The following LPP variants were observed in gnomAD, a reference collection of about 807,000 sequenced individuals.
The protein encoded by LPP is lipoma-preferred partner.
LPP carries 38 observed loss-of-function variants against 60.4 expected under a neutral mutation model. The ratio of observed to expected loss-of-function variants is 0.63; its 90% CI spans 0.49 to 0.83. LPP has a LOEUF of 0.83. Ranked by LOEUF, LPP falls within the 40% of genes least tolerant of loss-of-function variation. LPP has a pLI of 0.00. For synonymous variants in LPP, 328 were observed against 290.8 expected, an observed-to-expected ratio of 1.13 and a Z score of -1.30; for missense variants, 902 against 783.6, an observed-to-expected ratio of 1.15 and a Z score of -1.80.
At chr3:188,643,993 A>G (rs989154425) in intron 7 of LPP, among the ~76,000 whole-genome samples, 1 of 152,236 alleles carries the variant, frequency 6.6e-6, no homozygotes, top group Non-Finnish European at 1.5e-5. Context: ...ATCATCCACT[A>G]TCCATGAAAT....
chr3:188,710,767 A>T (rs1409331121), intron 8 of LPP: 2 of 152,216 alleles, frequency 1.3e-5, no homozygotes, highest in Non-Finnish European at 2.9e-5. Context: ...GCCACAAAAA[A>T]AAAACTGAAC....
chr3:188,766,168 G>A (rs1734049335), intron 9 of LPP, among the ~76,000 whole-genome samples: 1 of 151,668 alleles, frequency 6.6e-6, no homozygotes, highest in Non-Finnish European at 1.5e-5. Context: ...ATCACACCCA[G>A]CCCATGTTAA....
At chr3:188,473,798 G>T (rs757971190) in intron 4 of LPP, among the ~76,000 whole-genome samples, 6 of 152,178 alleles carry the variant, frequency 3.9e-5, no homozygotes, top group African/African-American at 1.4e-4. Flanking sequence ...TACTGGGTAA[G>T]GCTTATCAAC....
chr3:188,831,363 A>G (rs975116398), intron 9 of LPP, among the ~76,000 whole-genome samples: 1 of 152,194 alleles, frequency 6.6e-6, no homozygotes, highest in Non-Finnish European at 1.5e-5. Flanking sequence ...AGCAGTTAGG[A>G]GAGAGAGGAG....
chr3:188,577,737 CTTCCTTTGTTCCTTCGTTCCTTCG>C (rs1363630279), intron 6 of LPP, among the ~76,000 whole-genome samples: 45 of 127,232 alleles, frequency 3.5e-4, no homozygotes, highest in Non-Finnish European at 5.4e-4. Context: ...GGTTTCCTTC[CTTCCTTTGTTCCTTCGTTCCTTCG>C]TTCCTTCCTT....
chr3:188,582,484 A>G (rs1836480566), intron 6 of LPP, among the ~76,000 whole-genome samples: 3 of 151,634 alleles, frequency 2.0e-5, no homozygotes, highest in African/African-American at 7.3e-5. Flanking sequence ...CCTGGGCTTG[A>G]ATGTTGTTTT....
At chr3:188,745,225 G>A (rs1040530214) in intron 8 of LPP, among the ~76,000 whole-genome samples, 16 of 152,126 alleles carry the variant, frequency 1.1e-4, no homozygotes, top group African/African-American at 3.9e-4. Context: ...GAAGGCAGGT[G>A]TCAGGTCTTA....
intron 6 of LPP, among the ~76,000 whole-genome samples, chr3:188,543,826 T>C (rs1470049904): frequency 6.6e-6 from 1 of 152,198 alleles, no homozygotes; most frequent in Non-Finnish European, 1.5e-5. Flanking sequence ...TGTAAAAGAA[T>C]GTGAAGCCCA....
intron 3 of LPP, among the ~76,000 whole-genome samples, chr3:188,343,259 G>A (rs1222807993): frequency 1.3e-5 from 2 of 152,002 alleles, no homozygotes; most frequent in African/African-American, 2.4e-5. Flanking sequence ...GAGAACATGC[G>A]GTGTTTGGAA....
At chr3:188,319,526 T>C (rs1386007536) in intron 2 of LPP, among the ~76,000 whole-genome samples, 2 of 152,234 alleles carry the variant, frequency 1.3e-5, no homozygotes, top group Admixed American at 6.5e-5. Flanking sequence ...ATGATAACAG[T>C]AAGACCCAAG....
At chr3:188,467,635 C>G (rs1800812273) in intron 4 of LPP, among the ~76,000 whole-genome samples, 1 of 151,936 alleles carries the variant, frequency 6.6e-6, no homozygotes, top group Non-Finnish European at 1.5e-5. Flanking sequence ...AAGGATGGGC[C>G]CAACGCTATT....
chr3:188,350,942 G>C (rs1443054301), intron 3 of LPP, among the ~76,000 whole-genome samples: 1 of 152,152 alleles, frequency 6.6e-6, no homozygotes, highest in African/African-American at 2.4e-5. Flanking sequence ...TTTCCTGCCT[G>C]AGGAACCAGC....
At chr3:188,384,609 G>A (rs933361688) in intron 3 of LPP, among the ~76,000 whole-genome samples, 4 of 151,726 alleles carry the variant, frequency 2.6e-5, no homozygotes, top group African/African-American at 7.3e-5. Context: ...GGCCAACATG[G>A]TGAAACCCCG....
At chr3:188,670,971 C>T (rs577639432) in intron 7 of LPP, among the ~76,000 whole-genome samples, 1 of 152,260 alleles carries the variant, frequency 6.6e-6, no homozygotes, top group South Asian at 2.1e-4. Flanking sequence ...GTTTCTAACC[C>T]AATAGGGCAA....
chr3:188,874,658 C>T lies in LPP; in HGVS notation c.*179C>T. 1.5e-6 allele frequency: 1 copy of T among 652,230 alleles called. No homozygotes were observed. Among genetic ancestry groups the T allele is most frequent in the Non-Finnish European group, 2.5e-6 (1 of 401,594 alleles). The allele number at this position is 652,230 out of a possible 1,614,324, so 40.4% of individuals were successfully genotyped here. A position where few individuals can be genotyped will look rare whatever the true frequency, so the allele number is the denominator to read the frequency against. On this transcript the variant is annotated 3_prime_UTR_variant, in exon 12 of 12. Coordinates refer to ENST00000617246, the MANE Select transcript of LPP (RefSeq NM_001375462.1). ...AAAAGTTGTTACCAAATACACATTT[C>T]ACATTGAATCATGTAGGATCTTGAT...
chr3:188,318,918 C>T (rs1240237554), intron 2 of LPP, among the ~76,000 whole-genome samples: 2 of 150,646 alleles, frequency 1.3e-5, no homozygotes, highest in African/African-American at 4.9e-5. Flanking sequence ...GCCACTACGC[C>T]CGGCTAATTT....
In LPP at chr3:188,747,915, C is replaced by T. The variant is rs142735002; in HGVS notation, c.1241-12198C>T. 7.2e-5 allele frequency among the ~76,000 whole-genome samples: 11 copies of T among 152,212 alleles called. No individual in the cohort carries two copies. The South Asian group carries it at 8.3e-4, about 11-fold the overall frequency. On this transcript the variant is annotated intron_variant, in intron 8 of 11. Transcript: ENST00000617246. ...CTCCCTCTGAGCTCCAGTGTAACATCGGGTGTCAAGTATTTGTGGCCCCAT... is the reference window on the plus strand; with the variant it reads ...CTCCCTCTGAGCTCCAGTGTAACATTGGGTGTCAAGTATTTGTGGCCCCAT...
At chr3:188,179,167 C>G (rs1724106672) in intron 1 of LPP, 1 of 434,508 alleles carries the variant, frequency 2.3e-6, no homozygotes, top group Non-Finnish European at 4.6e-6. Context: ...GCCCCCATTC[C>G]CTATTATCAT....
At chr3:188,379,751 T>G (rs1776356286) in intron 3 of LPP, among the ~76,000 whole-genome samples, 1 of 152,226 alleles carries the variant, frequency 6.6e-6, no homozygotes, top group South Asian at 2.1e-4. Context: ...GATTCATCTA[T>G]GTTGCAGCAT....
Sources: gnomAD v4.1 joint callset for allele counts (sites outside exome capture counted in the v4.1 genomes callset) on GRCh38, gnomAD v4.1.1 for gene constraint, MANE v1.5 for transcripts, NCBI Gene and HGNC (gene_info 2026-07-23, HGNC 2026-07-21) for gene names.